The following MINDY4 variants were observed in gnomAD, a reference collection of about 807,000 sequenced individuals.
MINDY4 encodes the protein MINDY lysine 48 deubiquitinase 4, also known as probable ubiquitin carboxyl-terminal hydrolase MINDY-4.
Under a neutral mutation model 87.0 loss-of-function variants are expected in MINDY4, and 68 were observed. The observed-to-expected ratio is 0.78, with a 90% CI of 0.64 to 0.96. The LOEUF is 0.96. MINDY4 is among the 40% of genes least tolerant of loss of function. MINDY4 has a pLI of 0.00. For missense variants in MINDY4, 919 were observed against 928.2 expected (o/e 0.99, Z 0.13); for synonymous variants, 379 against 363.2 (o/e 1.04, Z -0.50).
At chr7:30,856,772 A>G (rs149792955) in intron 12 of MINDY4, among the ~76,000 whole-genome samples, 89 of 152,150 alleles carry the variant, frequency 5.8e-4, no homozygotes, top group African/African-American at 2.0e-3. Context: ...AGGGACACCG[A>G]GACCAAGAGC....
intron 17 of MINDY4, among the ~76,000 whole-genome samples, chr7:30,885,710 C>A (rs1388576140): frequency 6.7e-6 from 1 of 149,890 alleles, no homozygotes; most frequent in Non-Finnish European, 1.5e-5. Context: ...GTGCCCACCC[C>A]CCCCCCAACC....
chr7:30,784,142 T>G (rs2107551), intron 3 of MINDY4, among the ~76,000 whole-genome samples: 91,008 of 151,796 alleles, frequency 0.6, 27,875 homozygotes, highest in South Asian at 0.74. Flanking sequence ...GAGGTGGAGG[T>G]TCATAAGGGG....
At chr7:30,800,104 T>G (rs750258931) in intron 5 of MINDY4, among the ~76,000 whole-genome samples, 2 of 152,154 alleles carry the variant, frequency 1.3e-5, no homozygotes, top group Non-Finnish European at 2.9e-5. Flanking sequence ...CAGCTGACAT[T>G]GACAGCAGCT....
chr7:30,793,440 G>A (rs1787385480), intron 5 of MINDY4, among the ~76,000 whole-genome samples: 1 of 140,674 alleles, frequency 7.1e-6, no homozygotes, highest in Non-Finnish European at 1.5e-5. Context: ...TTTGGAGACA[G>A]GGTCTCATTC....
rs762122134 is a variant in MINDY4, at chr7:30,828,665, T to C, written c.1074-14T>C. 1 of 1,613,810 alleles carries C rather than the reference T, an allele frequency of 6.2e-7. No homozygotes were observed. Among genetic ancestry groups the C allele is most frequent in the Non-Finnish European group, 8.5e-7 (1 of 1,179,838 alleles). On this transcript the variant is annotated splice_polypyrimidine_tract_variant and intron_variant, in intron 5 of 17. Coordinates refer to ENST00000265299, the MANE Select transcript of MINDY4 (RefSeq NM_032222.3). ...TCAGTCTCCTCTGGTACATTGATAT[T>C]TTCTATTTTCCAGGAAAAATCAGTT... is the stretch of plus-strand genomic sequence containing the variant.
chr7:30,785,475 C>G (rs1163595964), intron 3 of MINDY4, among the ~76,000 whole-genome samples: 1 of 152,182 alleles, frequency 6.6e-6, no homozygotes, highest in East Asian at 1.9e-4. Context: ...ACTAAGGATG[C>G]TCTTTAGTCT....
intron 15 of MINDY4, among the ~76,000 whole-genome samples, 188 bp downstream of exon 15, chr7:30,875,844 C>T (rs1026396417): frequency 2.0e-5 from 3 of 152,162 alleles, no homozygotes; most frequent in Admixed American, 2.0e-4. Context: ...ATAATTCAGA[C>T]CCAAAGCCAG....
At chr7:30,786,269 A>G (rs1191024342) in intron 4 of MINDY4, 2 of 421,658 alleles carry the variant, frequency 4.7e-6, no homozygotes, top group Admixed American at 8.1e-5. Flanking sequence ...AAGAATACCT[A>G]CTCAGCTTTG....
At chr7:30,824,951 C>T (rs890625968) in intron 5 of MINDY4, among the ~76,000 whole-genome samples, 4 of 150,866 alleles carry the variant, frequency 2.7e-5, no homozygotes, top group South Asian at 2.1e-4. Flanking sequence ...GAGCCCAGAA[C>T]ACCAGCAGTA....
chr7:30,847,831 C>G (rs1789272655), intron 9 of MINDY4, among the ~76,000 whole-genome samples: 1 of 152,196 alleles, frequency 6.6e-6, no homozygotes, highest in Admixed American at 6.5e-5. Flanking sequence ...CCTCCAACTC[C>G]TGGGCTCAAG....
chr7:30,802,791 A>G (rs114308288), intron 5 of MINDY4, among the ~76,000 whole-genome samples: 2,031 of 152,256 alleles, frequency 0.013, 36 homozygotes, highest in South Asian at 0.092. Context: ...TATCTAGCCA[A>G]CTAAACAACT....
At chr7:30,825,175 G>A (rs749924047) in intron 5 of MINDY4, among the ~76,000 whole-genome samples, 1 of 152,214 alleles carries the variant, frequency 6.6e-6, no homozygotes, top group Non-Finnish European at 1.5e-5. Flanking sequence ...GTTCAGAATA[G>A]TTTTCACTCA....
At chr7:30,826,013 C>G (rs1472076755) in intron 5 of MINDY4, among the ~76,000 whole-genome samples, 4 of 152,196 alleles carry the variant, frequency 2.6e-5, no homozygotes, top group Non-Finnish European at 5.9e-5. Context: ...GCTTGTAGCT[C>G]CTTCCTGTCT....
At chr7:30,828,048 G>C (rs1034260653) in intron 5 of MINDY4, among the ~76,000 whole-genome samples, 2 of 152,098 alleles carry the variant, frequency 1.3e-5, no homozygotes, top group African/African-American at 4.8e-5. Flanking sequence ...TTTAGAAAAT[G>C]CTCCCTCAAA....
intron 13 of MINDY4, 128 bp downstream of exon 13, chr7:30,859,452 T>C (rs975216408): frequency 1.6e-5 from 14 of 893,964 alleles, no homozygotes; most frequent in African/African-American, 3.3e-5. Context: ...AAAGGATGAA[T>C]GAAGCAGTGG....
At chr7:30,793,305 A>C (rs1787380719) in intron 5 of MINDY4, among the ~76,000 whole-genome samples, 1 of 151,594 alleles carries the variant, frequency 6.6e-6, no homozygotes, top group African/African-American at 2.4e-5. Flanking sequence ...TTCTAGTTGG[A>C]ATAATTATGG....
intron 6 of MINDY4, among the ~76,000 whole-genome samples, chr7:30,832,429 T>C (rs1456615041): frequency 1.3e-5 from 2 of 152,216 alleles, no homozygotes; most frequent in African/African-American, 4.8e-5. Flanking sequence ...TAATCACACA[T>C]CTCTTTTCCT....
At chr7:30,795,631 T>C (rs1694681172) in intron 5 of MINDY4, among the ~76,000 whole-genome samples, 1 of 152,170 alleles carries the variant, frequency 6.6e-6, no homozygotes, top group South Asian at 2.1e-4. Flanking sequence ...ACCATAAGCT[T>C]AGTGGCTTGA....
chr7:30,862,415 C>T (rs550345641), intron 13 of MINDY4, among the ~76,000 whole-genome samples: 42 of 152,374 alleles, frequency 2.8e-4, no homozygotes, highest in African/African-American at 9.6e-4. Flanking sequence ...GAGTAGTCCC[C>T]AGAACAGCCT....
Sources: allele counts gnomAD v4.1 joint callset (sites outside exome capture counted in the v4.1 genomes callset), GRCh38; gene constraint gnomAD v4.1.1; transcripts MANE v1.5; gene names NCBI Gene and HGNC (gene_info 2026-07-23, HGNC 2026-07-21).